The following CAD variants were observed in gnomAD, a reference collection of about 807,000 sequenced individuals.
CAD encodes multifunctional protein CAD.
A neutral mutation model predicts 237.2 loss-of-function variants in CAD; 81 were observed. The observed-to-expected ratio is 0.34, with a 90% CI of 0.29 to 0.41. The LOEUF (loss-of-function observed/expected upper bound fraction) is 0.41. Among genes scored for constraint, CAD ranks in the 10% least tolerant of loss-of-function variants. CAD has a pLI of 1.00. For synonymous variants in CAD, 1,196 were observed against 1,162.8 expected (o/e 1.03, Z -0.58); for missense variants, 2,181 against 2,951.7 (o/e 0.74, Z 6.05).
In CAD at chr2:27,235,372, G is replaced by A; in HGVS notation, c.3914G>A (p.Ser1305Asn). Residue 1305 changes from serine to asparagine, a missense_variant, in exon 24 of 44, where the codon AGC (serine) becomes AAC (asparagine). Transcript: ENST00000264705. This position sits in a 1 kb window ranked among gnomAD's most constrained non-coding sequence, Gnocchi z 5.2. ...RCEAYLKAML[S>N]TGFKIPKKNI... ...GAGGCATACCTCAAGGCCATGCTAA[G>A]CACTGGCTTTAAGATCCCCAAGAAG... The A allele has an allele frequency of 6.2e-7, 1 of 1,613,914 alleles. No individual in the cohort carries two copies. Among genetic ancestry groups the A allele is most frequent in the Non-Finnish European group, 8.5e-7 (1 of 1,179,898 alleles).
intron 2 of CAD, among the ~76,000 whole-genome samples, chr2:27,218,561 C>T (rs1237267208): frequency 6.6e-6 from 1 of 152,100 alleles, no homozygotes; most frequent in Non-Finnish European, 1.5e-5. Context: ...TTCTCTGTGA[C>T]AGTGAGTGCC....
At position 27,239,208 on chromosome 2, in the gene CAD, C is replaced by T. The variant is rs3739092; in HGVS notation, c.5229C>T (p.Pro1743=). 389,368 of 1,606,938 alleles carry T rather than the reference C, an allele frequency of 0.24. 50,073 individuals carry two copies. The highest frequency in any genetic ancestry group is 0.46 in the Admixed American group (27,372 of 59,412). Residue 1743 remains proline, a synonymous_variant, in exon 32 of 44, where the codon CCC becomes CCT. Coordinates refer to ENST00000264705, the MANE Select transcript of CAD (RefSeq NM_004341.5). This position sits in a 1 kb window ranked among gnomAD's most constrained non-coding sequence, Gnocchi z 4.0. The part of the protein sequence containing the change: ...HHNPRRIFHL[P]PQEDTYVEVD... ...ATCCTCGGCGCATCTTTCACCTGCC[C>T]CCGCAGGAGGACACCTATGTGGAGG...
At chr2:27,221,007 A>G (rs1675137498) in intron 2 of CAD, among the ~76,000 whole-genome samples, 1 of 152,162 alleles carries the variant, frequency 6.6e-6, no homozygotes, top group Non-Finnish European at 1.5e-5. Flanking sequence ...ATTTTCAGTG[A>G]TCATCGGGGC....
chr2:27,227,646 G>A (rs981912747), intron 15 of CAD: 12 of 152,144 alleles, frequency 7.9e-5, no homozygotes, highest in Admixed American at 3.3e-4. Flanking sequence ...ATAAACATGG[G>A]AATGAAGCCA....
Position 27,239,581 on chromosome 2 carries a change from G to A in CAD, c.5394+110G>A. On this transcript the variant is annotated intron_variant, in intron 33 of 43. Coordinates refer to ENST00000264705, the MANE Select transcript of CAD (RefSeq NM_004341.5). This position sits in a 1 kb window ranked among gnomAD's most constrained non-coding sequence, Gnocchi z 4.0. ...TCCCACTATGTGCACCACTGCCCTGGACCAGGGGTTGGGGGCACAGCTCCC... is the reference window on the plus strand; with the variant it reads ...TCCCACTATGTGCACCACTGCCCTGAACCAGGGGTTGGGGGCACAGCTCCC... The A allele has an allele frequency of 6.6e-7, 1 of 1,522,748 alleles. No homozygotes were observed. The highest frequency in any genetic ancestry group is 1.2e-5 in the South Asian group (1 of 83,460). 94.3% of individuals were successfully genotyped at this position (1,522,748 alleles called of 1,614,324 possible).
intron 2 of CAD, among the ~76,000 whole-genome samples, chr2:27,219,535 G>A (rs886823006): frequency 1.3e-5 from 2 of 151,818 alleles, no homozygotes; most frequent in Admixed American, 1.3e-4. Flanking sequence ...TGTAGAGACC[G>A]GGTATTGTCA....
In CAD at chr2:27,240,845, G is replaced by A. The variant is rs1214737080; in HGVS notation, c.5594-66G>A. On this transcript the variant is annotated intron_variant, in intron 35 of 43. Transcript: ENST00000264705. This position sits in a 1 kb window ranked among gnomAD's most constrained non-coding sequence, Gnocchi z 4.6. ...TATACACTGTGATTCAGAGTTCCTG[G>A]GAATATGGGGTTTCTTTCCAAACCT... 1.2e-5 allele frequency: 19 copies of A among 1,545,940 alleles called. No homozygotes were observed. Among genetic ancestry groups the A allele is most frequent in the Non-Finnish European group, 1.6e-5 (18 of 1,119,492 alleles).
At chr2:27,226,012 T>C (rs200400719) in intron 12 of CAD, 86 bp downstream of exon 12, 6 of 1,499,270 alleles carry the variant, frequency 4.0e-6, no homozygotes, top group South Asian at 2.3e-5. Context: ...TCTTTGAGAG[T>C]TGTATGTCCC....
In CAD at chr2:27,243,893, C is replaced by T. The variant is rs1220945522; in HGVS notation, c.*375C>T. 3 of 205,914 alleles carry T rather than the reference C, an allele frequency of 1.5e-5. No individual in the cohort carries two copies. The highest frequency in any genetic ancestry group is 2.3e-5 in the African/African-American group (1 of 43,090). The allele number at this position is 205,914 out of a possible 1,614,324, so 12.8% of individuals were successfully genotyped here. A position where few individuals can be genotyped will look rare whatever the true frequency, so the allele number is the denominator to read the frequency against. On this transcript the variant is annotated 3_prime_UTR_variant, in exon 44 of 44. Coordinates refer to ENST00000264705, the MANE Select transcript of CAD (RefSeq NM_004341.5). ...CTCTGGCTAGGGCTGCGTGCCCACA[C>T]TCGGCATTTTCACACTCGTGACTCT...
Position 27,239,814 on chromosome 2 carries a change from G to A in CAD, c.5496+16G>A. The A allele has an allele frequency of 6.7e-7, 1 of 1,503,740 alleles. No homozygotes were observed. Among genetic ancestry groups the A allele is most frequent in the Non-Finnish European group, 8.9e-7 (1 of 1,118,844 alleles). The allele number at this position is 1,503,740 out of a possible 1,614,324, so 93.1% of individuals were successfully genotyped here. On this transcript the variant is annotated intron_variant, in intron 34 of 43. Coordinates refer to ENST00000264705, the MANE Select transcript of CAD (RefSeq NM_004341.5). This position sits in a 1 kb window ranked among gnomAD's most constrained non-coding sequence, Gnocchi z 4.0. ...GATGACCACGGTATCCACACTACTG[G>A]GCTAGGGGGCTGGGAGGTGTTAGTC...
Position 27,221,297 on chromosome 2 carries a change from C to T in CAD, c.302C>T (p.Thr101Ile), listed in dbSNP as rs1224111015. ...CCPTPSHWSA[T>I]RTLHEWLQQH... ...CCTACTCCCAGCCACTGGAGTGCCACCCGCACCCTGCATGAGTGGCTGCAG... is the reference window on the plus strand; with the variant it reads ...CCTACTCCCAGCCACTGGAGTGCCATCCGCACCCTGCATGAGTGGCTGCAG... The change falls in exon 3 of 44, where the codon ACC (threonine) becomes ATC (isoleucine). Residue 101 changes from threonine to isoleucine, a missense_variant. Around this residue, in one of 12 missense-constraint regions of CAD, gnomAD observed 314 missense variants for 339.4 expected, o/e 0.93. Transcript: ENST00000264705. The T allele has an allele frequency of 6.3e-7, 1 of 1,591,842 alleles. No individual in the cohort carries two copies. Among genetic ancestry groups the T allele is most frequent in the African/African-American group, 1.3e-5 (1 of 74,270 alleles).
chr2:27,236,852 G>T lies in CAD; in HGVS notation c.4396+22G>T. The T allele has an allele frequency of 6.2e-7, 1 of 1,609,356 alleles. No individual in the cohort carries two copies. The highest frequency in any genetic ancestry group is 8.5e-7 in the Non-Finnish European group (1 of 1,175,716). On this transcript the variant is annotated intron_variant, in intron 27 of 43. Coordinates refer to ENST00000264705, the MANE Select transcript of CAD (RefSeq NM_004341.5). This position sits in a 1 kb window ranked among gnomAD's most constrained non-coding sequence, Gnocchi z 4.1. ...CCGGGTAAGTCTTTGGGGAGAACTT[G>T]GCTTCTGAACACTGGCAGCCCCTGG... is the stretch of plus-strand genomic sequence containing the variant.
chr2:27,232,907 G>A lies in CAD; in HGVS notation c.2893-135G>A. ...GTACCTCCTTCCCTCCCAAGGCAGG[G>A]GTCCTGTACAGCTCTTTCAGAGGAA... On this transcript the variant is annotated intron_variant, in intron 18 of 43. Coordinates refer to ENST00000264705, the MANE Select transcript of CAD (RefSeq NM_004341.5). This position sits in a 1 kb window ranked among gnomAD's most constrained non-coding sequence, Gnocchi z 4.1. 2.5e-6 allele frequency: 2 copies of A among 786,934 alleles called. No homozygotes were observed. Among genetic ancestry groups the A allele is most frequent in the Non-Finnish European group, 4.3e-6 (2 of 468,112 alleles). 48.7% of individuals were successfully genotyped at this position (786,934 alleles called of 1,614,324 possible).
At position 27,217,377 on chromosome 2, in the gene CAD, C is replaced by T. The variant is rs1674911916; in HGVS notation, c.-175C>T. The stretch of plus-strand genomic sequence containing the variant: ...TGTGTCCGCGCCGCCGCAGTCTCTG[C>T]TGCTGCCGCCAAGCGCGCCCGAGGC... On this transcript the variant is annotated 5_prime_UTR_variant, in exon 1 of 44. Transcript: ENST00000264705. The T allele has an allele frequency of 3.2e-6, 2 of 623,934 alleles. No individual in the cohort carries two copies. The highest frequency in any genetic ancestry group is 1.9e-5 in the South Asian group (1 of 54,014). 38.6% of individuals were successfully genotyped at this position (623,934 alleles called of 1,614,324 possible). A position where few individuals can be genotyped will look rare whatever the true frequency, so the allele number is the denominator to read the frequency against.
intron 2 of CAD, among the ~76,000 whole-genome samples, chr2:27,219,335 G>A (rs2148053846): frequency 6.8e-6 from 1 of 147,728 alleles, no homozygotes; most frequent in African/African-American, 2.7e-5. Context: ...TGAGTAACAA[G>A]TTTATGGTTT....
intron 15 of CAD, among the ~76,000 whole-genome samples, chr2:27,227,843 T>G (rs1227001279): frequency 6.6e-6 from 1 of 152,230 alleles, no homozygotes; most frequent in Non-Finnish European, 1.5e-5. Context: ...AAAGATAGTT[T>G]AACCAAAGAA....
In CAD at chr2:27,222,914, A is replaced by C. The variant is rs542805154; in HGVS notation, c.686A>C (p.Tyr229Ser). ...AATGGGCCTGGTGACCCTGCCTCCT[A>C]TCCCAGTGTCGTATCCACACTGAGC... ...LSNGPGDPAS[Y>S]PSVVSTLSRV... The change falls in exon 6 of 44, where the codon TAT becomes TCT. Residue 229 changes from tyrosine (Y) to serine (S), a missense_variant. Around this residue, in one of 12 missense-constraint regions of CAD, gnomAD observed 314 missense variants for 339.4 expected, o/e 0.93. Transcript: ENST00000264705. The C allele has an allele frequency of 1.2e-6, 2 of 1,614,166 alleles. No homozygotes were observed. Among genetic ancestry groups the C allele is most frequent in the Non-Finnish European group, 1.7e-6 (2 of 1,180,022 alleles).
intron 3 of CAD, 150 bp from the exon 4 acceptor site, chr2:27,222,044 T>C: frequency 1.5e-6 from 1 of 685,090 alleles, no homozygotes; most frequent in Non-Finnish European, 2.5e-6. Context: ...TTCATGGTAG[T>C]ATACTTCTGT....
Position 27,241,536 on chromosome 2 carries a change from G to T in CAD, c.5883+140G>T. 1 of 836,880 alleles carries T rather than the reference G, an allele frequency of 1.2e-6. No individual in the cohort carries two copies. Among genetic ancestry groups the T allele is most frequent in the Non-Finnish European group, 1.9e-6 (1 of 515,078 alleles). The allele number at this position is 836,880 out of a possible 1,614,324, so 51.8% of individuals were successfully genotyped here. A position where few individuals can be genotyped will look rare whatever the true frequency, so the allele number is the denominator to read the frequency against. ...TATGCTAGTCCATCCCTCTGCTGCTGTAGATCTTCCCCCACGTTTTCCCTC... is the reference window on the plus strand; with the variant it reads ...TATGCTAGTCCATCCCTCTGCTGCTTTAGATCTTCCCCCACGTTTTCCCTC... On this transcript the variant is annotated intron_variant, in intron 38 of 43. Coordinates refer to ENST00000264705, the MANE Select transcript of CAD (RefSeq NM_004341.5). The surrounding 1 kb of genome is among the most constrained non-coding windows in gnomAD (Gnocchi z 4.6).
Sources: gnomAD v4.1 joint callset for allele counts (sites outside exome capture counted in the v4.1 genomes callset) on GRCh38, gnomAD v4.1.1 for gene constraint, gnomAD v4.1.1 regional missense constraint, Gnocchi (gnomAD v3.1) non-coding constraint, MANE v1.5 for transcripts, NCBI Gene and HGNC (gene_info 2026-07-23, HGNC 2026-07-21) for gene names.